MICAL3: variants seen among roughly 807,000 people sequenced by gnomAD.
MICAL3 encodes the protein [F-actin]-monooxygenase MICAL3.
Under a neutral mutation model 207.4 loss-of-function variants are expected in MICAL3, and 62 were observed. That is an observed-to-expected ratio of 0.30 (90% CI 0.24 to 0.37). The LOEUF (loss-of-function observed/expected upper bound fraction) is 0.37. MICAL3 is among the 10% of genes least tolerant of loss of function. MICAL3 has a pLI of 1.00. For synonymous variants in MICAL3, 1,077 were observed against 1,069.3 expected, an observed-to-expected ratio of 1.01 and a Z score of -0.14; for missense variants, 2,368 against 2,635.6, an observed-to-expected ratio of 0.90 and a Z score of 2.22.
At chr22:17,922,249 C>A (rs148092614) in intron 1 of MICAL3, among the ~76,000 whole-genome samples, 1 of 152,232 alleles carries the variant, frequency 6.6e-6, no homozygotes, top group Admixed American at 6.5e-5. Context: ...GAGGAATTCA[C>A]GTTCATGTTT....
At chr22:17,863,624 AG>A (rs1926753962) in intron 19 of MICAL3, 1 of 985,332 alleles carries the variant, frequency 1.0e-6, no homozygotes, top group African/African-American at 1.7e-5. Context: ...GATGATAATA[AG>A]GGCACGTGCA....
rs1480777246 is a variant in MICAL3, at chr22:17,788,775, C to G, written c.*1957G>C. The stretch of plus-strand genomic sequence containing the variant: ...AGCTTCTGGACAGACAAGGATGACA[C>G]AGGTTCTTTGCTCCTTTGCAGCTGG... On this transcript the variant is annotated 3_prime_UTR_variant, in exon 32 of 32. Coordinates refer to ENST00000441493, the MANE Select transcript of MICAL3 (RefSeq NM_015241.3). The G allele has an allele frequency of 6.6e-6, 1 of 152,428 alleles. No individual in the cohort carries two copies. Among genetic ancestry groups the G allele is most frequent in the East Asian group, 1.9e-4 (1 of 5,204 alleles). The allele number at this position is 152,428 out of a possible 1,614,324, so 9.4% of individuals were successfully genotyped here. A position where few individuals can be genotyped will look rare whatever the true frequency, so the allele number is the denominator to read the frequency against.
intron 19 of MICAL3, chr22:17,860,144 A>C (rs1313707163): frequency 6.2e-6 from 6 of 964,274 alleles, no homozygotes; most frequent in Admixed American, 1.2e-4. Context: ...AGGAAAAGAA[A>C]AACTCAGAAA....
intron 19 of MICAL3, among the ~76,000 whole-genome samples, chr22:17,857,368 A>G (rs1926044406): frequency 6.6e-6 from 1 of 152,218 alleles, no homozygotes; most frequent in Admixed American, 6.5e-5. Context: ...TGAGAATCCA[A>G]CTAAGGCCTG....
chr22:17,975,221 G>A (rs555723551), intron 1 of MICAL3, among the ~76,000 whole-genome samples: 20 of 152,298 alleles, frequency 1.3e-4, no homozygotes, highest in African/African-American at 4.8e-4. Context: ...CAGTCAAGCT[G>A]CAGTCACCAC....
chr22:17,908,764 C>T (rs532686995), intron 1 of MICAL3, among the ~76,000 whole-genome samples: 2 of 152,288 alleles, frequency 1.3e-5, no homozygotes, highest in African/African-American at 4.8e-5. Flanking sequence ...AAGATGTACC[C>T]TTGGGGTTGG....
chr22:17,824,618 C>A (rs1040323533), intron 22 of MICAL3, among the ~76,000 whole-genome samples: 2 of 152,184 alleles, frequency 1.3e-5, no homozygotes, highest in Admixed American at 1.3e-4. Context: ...GAACAGACGG[C>A]CCACGTCACA....
Position 17,817,827 on chromosome 22 carries a change from C to T in MICAL3, c.4834G>A (p.Ala1612Thr), listed in dbSNP as rs780348415. Residue 1612 changes from alanine (A) to threonine (T), a missense_variant, in exon 26 of 32, where the codon GCC becomes ACC. By Grantham distance (58) the Ala-to-Thr change is moderately conservative (BLOSUM62 0). This residue lies in a region of MICAL3 where 1,770 missense variants were observed against 1,863.2 expected (regional missense o/e 0.95). Coordinates refer to ENST00000441493, the MANE Select transcript of MICAL3 (RefSeq NM_015241.3). ...KSVKSQALRD[A>T]MARQLSRMQQ... ...ATCCTGCTCAGCTGCCTGGCCATGG[C>T]GTCCCGCAGCGCCTGGCTCTTCACG... 6.8e-6 allele frequency: 11 copies of T among 1,610,618 alleles called. No individual in the cohort carries two copies. Among genetic ancestry groups the T allele is most frequent in the African/African-American group, 2.7e-5 (2 of 74,900 alleles).
chr22:18,011,497 G>A (rs1237855513), intron 1 of MICAL3, among the ~76,000 whole-genome samples: 1 of 151,850 alleles, frequency 6.6e-6, no homozygotes, highest in African/African-American at 2.4e-5. Context: ...GCGGTGAGCC[G>A]AGATCACTTG....
chr22:17,940,638 G>A (rs923013908), intron 1 of MICAL3, among the ~76,000 whole-genome samples: 1 of 152,106 alleles, frequency 6.6e-6, no homozygotes, highest in South Asian at 2.1e-4. Context: ...AAGAGGCAAA[G>A]GTAGGGTAAA....
At chr22:17,879,285 C>A in intron 16 of MICAL3, 1 of 1,458,936 alleles carries the variant, frequency 6.9e-7, no homozygotes, top group Admixed American at 2.1e-5. Flanking sequence ...GCCCCACCAC[C>A]ACAGCGTGCC....
intron 1 of MICAL3, among the ~76,000 whole-genome samples, chr22:17,919,903 G>A (rs13057517): frequency 3.3e-5 from 5 of 152,124 alleles, no homozygotes; most frequent in South Asian, 4.1e-4. Context: ...AAAGAACTGC[G>A]GTATCAGTGT....
intron 1 of MICAL3, among the ~76,000 whole-genome samples, chr22:17,945,972 T>C (rs1301269013): frequency 6.6e-6 from 1 of 152,112 alleles, no homozygotes; most frequent in Non-Finnish European, 1.5e-5. Context: ...CCCAGAGGGA[T>C]CCGAAAGCAA....
At chr22:17,996,445 GA>G (rs113489535) in intron 1 of MICAL3, among the ~76,000 whole-genome samples, 125 of 136,290 alleles carry the variant, frequency 9.2e-4, no homozygotes, top group East Asian at 2.3e-3. Context: ...CTCCATCTCA[GA>G]AAAAAAAAAA....
At chr22:17,991,476 C>G (rs1435034104) in intron 1 of MICAL3, among the ~76,000 whole-genome samples, 1 of 152,202 alleles carries the variant, frequency 6.6e-6, no homozygotes, top group African/African-American at 2.4e-5. Flanking sequence ...ATCCACGTTT[C>G]CATACATCAA....
intron 1 of MICAL3, among the ~76,000 whole-genome samples, chr22:18,000,756 G>A (rs1287307498): frequency 1.3e-5 from 2 of 152,190 alleles, no homozygotes; most frequent in East Asian, 3.9e-4. Context: ...CGCGCCCACC[G>A]CCCCCACAAA....
At chr22:17,880,949 T>G (rs761211761) in intron 16 of MICAL3, among the ~76,000 whole-genome samples, 1 of 152,210 alleles carries the variant, frequency 6.6e-6, no homozygotes, top group Admixed American at 6.5e-5. Context: ...TCAATTACAG[T>G]TGAACTTCTA....
intron 1 of MICAL3, among the ~76,000 whole-genome samples, chr22:17,991,920 G>A (rs5992145): frequency 0.07 from 10,696 of 152,168 alleles, 1,254 homozygotes; most frequent in African/African-American, 0.24. Context: ...CTTCGAGGCC[G>A]TGGTAGACAC....
chr22:17,976,531 A>ATGTGTG (rs1239655452), intron 1 of MICAL3, among the ~76,000 whole-genome samples: 115 of 114,528 alleles, frequency 1.0e-3, no homozygotes, highest in African/African-American at 4.4e-3. Flanking sequence ...ATATGTGTAT[A>ATGTGTG]TATATGTGTG....
Sources: gnomAD v4.1 joint callset for allele counts (sites outside exome capture counted in the v4.1 genomes callset) on GRCh38, gnomAD v4.1.1 for gene constraint, gnomAD v4.1.1 regional missense constraint, MANE v1.5 for transcripts, NCBI Gene and HGNC (gene_info 2026-07-23, HGNC 2026-07-21) for gene names.